ZNF727: variants seen among roughly 807,000 people sequenced by gnomAD.
The protein encoded by ZNF727 is putative zinc finger protein 727.
ZNF727 carries 11 observed loss-of-function variants against 11.5 expected under a neutral mutation model. The observed-to-expected ratio is 0.95, with a 90% CI of 0.60 to 1.58. ZNF727 has a LOEUF of 1.58. Ranked by LOEUF, ZNF727 falls within the 40% of genes most tolerant of loss-of-function variation. ZNF727 has a pLI of 0.00. For synonymous variants in ZNF727, 171 were observed against 196.1 expected, an observed-to-expected ratio of 0.87 and a Z score of 1.07; for missense variants, 533 against 581.7, an observed-to-expected ratio of 0.92 and a Z score of 0.86.
chr7:64,050,345 G>A (rs577685508), intron 1 of ZNF727, among the ~76,000 whole-genome samples: 1 of 152,166 alleles, frequency 6.6e-6, no homozygotes. Context: ...TTGTAAAAGG[G>A]AGTAGAGCTT....
At position 64,077,824 on chromosome 7, in the gene ZNF727, G is replaced by A. The variant is rs192720590; in HGVS notation, c.775G>A (p.Glu259Lys). ...TACTGGAGACAGACCCTACAAATGC[G>A]AAGAATGTCACAAAGCCTTTAGGTG... is the stretch of plus-strand genomic sequence containing the variant. ...NHTGDRPYKC[E>K]ECHKAFRCCS... The change falls in exon 4 of 4, where the codon GAA (glutamate) becomes AAA (lysine). Residue 259 changes from glutamate to lysine, a missense_variant. This residue lies in a region of ZNF727 where 463 missense variants were observed against 494.5 expected (regional missense o/e 0.94). Transcript: ENST00000456806. The A allele has an allele frequency of 2.0e-5, 31 of 1,567,910 alleles. No homozygotes were observed. In the African/African-American group the frequency reaches 2.2e-4, roughly 11 times the overall value.
chr7:64,077,643 A>T lies in ZNF727; in HGVS notation c.594A>T (p.Arg198Ser), dbSNP rs1785698442. 6.4e-7 allele frequency: 1 copy of T among 1,554,172 alleles called. No individual in the cohort carries two copies. The highest frequency in any genetic ancestry group is 8.7e-7 in the Non-Finnish European group (1 of 1,148,556). Residue 198 changes from arginine (R) to serine (S), a missense_variant, in exon 4 of 4, where the codon AGA becomes AGT. Arg to Ser is a moderately radical substitution (Grantham distance 110, BLOSUM62 -1). Coordinates refer to ENST00000456806, the MANE Select transcript of ZNF727 (RefSeq NM_001159522.3). ...AGAAGAGAATTCATACTGCAGATAG[A>T]AGTTACAAATGTGAAGAATGTGGCA... ...TIQKRIHTADRSYKCEECGKA... is the reference protein window; with the variant it reads ...TIQKRIHTADSSYKCEECGKA...
chr7:64,045,690 T>G, intron 1 of ZNF727, 66 bp downstream of exon 1: 1 of 1,549,550 alleles, frequency 6.5e-7, no homozygotes, highest in Non-Finnish European at 8.7e-7. Context: ...CGGAACTGGC[T>G]GCGGTGGGAT....
chr7:64,052,032 A>C (rs1199633155), intron 1 of ZNF727, among the ~76,000 whole-genome samples: 1 of 152,146 alleles, frequency 6.6e-6, no homozygotes, highest in African/African-American at 2.4e-5. Context: ...TTTCTAAGGG[A>C]TGTTACCTAG....
At chr7:64,061,244 T>A (rs2116293464) in intron 1 of ZNF727, among the ~76,000 whole-genome samples, 1 of 152,186 alleles carries the variant, frequency 6.6e-6, no homozygotes, top group South Asian at 2.1e-4. Flanking sequence ...ACTATCTGGA[T>A]TATGTGTCTG....
intron 1 of ZNF727, among the ~76,000 whole-genome samples, chr7:64,050,722 C>T (rs79306039): frequency 0.014 from 2,076 of 151,568 alleles, 19 homozygotes; most frequent in Non-Finnish European, 0.023. Flanking sequence ...TATGAAAAAA[C>T]CATAGGCCTC....
chr7:64,083,944 T>C lies in ZNF727; in HGVS notation c.*5395T>C, dbSNP rs1359622523. Among the ~76,000 whole-genome samples the C allele has an allele frequency of 1.3e-5, 2 of 152,220 alleles. No individual in the cohort carries two copies. The highest frequency in any genetic ancestry group is 2.9e-5 in the Non-Finnish European group (2 of 68,034). ...TTTTTTATATTAAAATAATTTATTT[T>C]CAAAGGCAAATATTGATGTAATTTA... On this transcript the variant is annotated 3_prime_UTR_variant, in exon 4 of 4. Coordinates refer to ENST00000456806, the MANE Select transcript of ZNF727 (RefSeq NM_001159522.3).
intron 3 of ZNF727, among the ~76,000 whole-genome samples, chr7:64,073,636 A>C (rs1455965995): frequency 1.3e-5 from 2 of 152,096 alleles, no homozygotes; most frequent in African/African-American, 4.8e-5. Flanking sequence ...GGAAACTTAA[A>C]AACAGCCATC....
intron 1 of ZNF727, among the ~76,000 whole-genome samples, chr7:64,065,366 G>T (rs1382743498): frequency 6.6e-6 from 1 of 152,132 alleles, no homozygotes; most frequent in Non-Finnish European, 1.5e-5. Flanking sequence ...CTGAGTGTTG[G>T]AAAGGGGAAA....
intron 1 of ZNF727, among the ~76,000 whole-genome samples, chr7:64,046,976 G>A (rs1789517961): frequency 6.8e-6 from 1 of 147,904 alleles, no homozygotes; most frequent in African/African-American, 2.6e-5. Flanking sequence ...CCTAAGTTTT[G>A]TGTTTTTTTT....
At chr7:64,069,401 A>C (rs1390343173) in intron 2 of ZNF727, 113 bp from the exon 3 acceptor site, 1 of 936,322 alleles carries the variant, frequency 1.1e-6, no homozygotes, top group African/African-American at 1.7e-5. Context: ...AGTAGATTGG[A>C]ATTAATTTTC....
At chr7:64,066,463 A>G (rs1464317634) in intron 1 of ZNF727, among the ~76,000 whole-genome samples, 2 of 150,896 alleles carry the variant, frequency 1.3e-5, no homozygotes. Context: ...TATATAGACC[A>G]ATGGAACAGA....
intron 3 of ZNF727, among the ~76,000 whole-genome samples, chr7:64,074,271 A>AC (rs1191851270): frequency 2.2e-4 from 33 of 151,542 alleles, no homozygotes; most frequent in Admixed American, 2.2e-3. Flanking sequence ...TTCTTGAAAA[A>AC]CCTCTTACTG....
At chr7:64,048,127 T>A (rs1338089614) in intron 1 of ZNF727, among the ~76,000 whole-genome samples, 2 of 152,230 alleles carry the variant, frequency 1.3e-5, no homozygotes, top group African/African-American at 2.4e-5. Flanking sequence ...ATATGTTCAG[T>A]TATTTCAACT....
At chr7:64,065,164 A>G (rs1428630266) in intron 1 of ZNF727, among the ~76,000 whole-genome samples, 2 of 152,124 alleles carry the variant, frequency 1.3e-5, no homozygotes, top group Non-Finnish European at 2.9e-5. Flanking sequence ...TAAGTGCCAC[A>G]TGTGAGGCTA....
chr7:64,050,533 G>A (rs1751876652), intron 1 of ZNF727, among the ~76,000 whole-genome samples: 1 of 152,172 alleles, frequency 6.6e-6, no homozygotes, highest in Non-Finnish European at 1.5e-5. Flanking sequence ...AGTGGAAGAT[G>A]AGAAAGATAG....
intron 1 of ZNF727, among the ~76,000 whole-genome samples, chr7:64,059,101 C>G (rs1266750371): frequency 2.0e-5 from 3 of 152,114 alleles, no homozygotes; most frequent in Non-Finnish European, 4.4e-5. Flanking sequence ...CATGCCACCA[C>G]ACCCTGCTAA....
chr7:64,074,952 T>A (rs919547201), intron 3 of ZNF727, among the ~76,000 whole-genome samples: 1 of 152,078 alleles, frequency 6.6e-6, no homozygotes, highest in African/African-American at 2.4e-5. Context: ...CTATATATAT[T>A]TTTTTCTTTC....
At chr7:64,048,526 G>A (rs1354725431) in intron 1 of ZNF727, among the ~76,000 whole-genome samples, 1 of 152,120 alleles carries the variant, frequency 6.6e-6, no homozygotes, top group Non-Finnish European at 1.5e-5. Flanking sequence ...GAGAATTTGT[G>A]GTAGTGGGCA....
Sources: gnomAD v4.1 joint callset for allele counts (sites outside exome capture counted in the v4.1 genomes callset) on GRCh38, gnomAD v4.1.1 for gene constraint, gnomAD v4.1.1 regional missense constraint, MANE v1.5 for transcripts, NCBI Gene and HGNC (gene_info 2026-07-23, HGNC 2026-07-21) for gene names.